Variants in SLCO1A2 observed in about 807,000 individuals in gnomAD.
SLCO1A2 encodes the protein solute carrier organic anion transporter family member 1A2, also known as OATP-1.
A neutral mutation model predicts 69.0 loss-of-function variants in SLCO1A2; 67 were observed. The observed-to-expected ratio is 0.97, with a 90% CI of 0.80 to 1.19. The LOEUF (loss-of-function observed/expected upper bound fraction) is 1.19, where lower values mean the gene tolerates loss of function less well. Ranked by LOEUF, SLCO1A2 falls within the 50% of genes most tolerant of loss-of-function variation. The pLI is 0.00. For missense variants in SLCO1A2, 787 were observed against 793.7 expected (o/e 0.99, Z 0.10); for synonymous variants, 260 against 265.9 (o/e 0.98, Z 0.22).
intron 1 of SLCO1A2, among the ~76,000 whole-genome samples, chr12:21,391,119 C>G (rs1403329178): frequency 4.6e-5 from 7 of 152,128 alleles, no homozygotes; most frequent in African/African-American, 1.7e-4. Flanking sequence ...CATATCACAG[C>G]AAAATCAAAG....
In SLCO1A2 at chr12:21,350,835, CAAAAAAAAA is replaced by C. The variant is rs11454466; in HGVS notation, c.-62-16135_-62-16127del. ...CTGGTGACAGAGCAAGACTCTGTCTCAAAAAAAAAAAAAAAAAAAAAAAAAAAAAGTCAT... is the reference window on the plus strand; with the variant it reads ...CTGGTGACAGAGCAAGACTCTGTCTCAAAAAAAAAAAAAAAAAAAAGTCAT... On this transcript the variant is annotated intron_variant, in intron 2 of 15. Transcript: ENST00000307378. Among the ~76,000 whole-genome samples, 25 of 40,730 alleles carry C rather than the reference CAAAAAAAAA, an allele frequency of 6.1e-4. No homozygotes were observed. The East Asian group carries it at 0.013, about 21-fold the overall frequency. 26.7% of individuals were successfully genotyped at this position (40,730 alleles called of 152,430 possible).
intron 4 of SLCO1A2, among the ~76,000 whole-genome samples, chr12:21,310,697 G>T (rs1950025304): frequency 6.6e-6 from 1 of 152,202 alleles, no homozygotes; most frequent in South Asian, 2.1e-4. Flanking sequence ...CTGCCTCCCG[G>T]GTTCACGCCA....
At chr12:21,397,477 C>A (rs1346183589), upstream of SLCO1A2, among the ~76,000 whole-genome samples, 1 of 151,742 alleles carries the variant, frequency 6.6e-6, no homozygotes, top group Admixed American at 6.6e-5. Context: ...GACAGAAAGT[C>A]AACAAGGATA....
At chr12:21,281,618 A>G (rs1944814306) in intron 12 of SLCO1A2, among the ~76,000 whole-genome samples, 1 of 152,114 alleles carries the variant, frequency 6.6e-6, no homozygotes. Flanking sequence ...AACAAAAGAA[A>G]TAGTTATTTG....
chr12:21,359,083 T>C (rs1296621463), intron 2 of SLCO1A2, among the ~76,000 whole-genome samples: 2 of 152,138 alleles, frequency 1.3e-5, no homozygotes, highest in African/African-American at 4.8e-5. Flanking sequence ...AGTCTAGGGA[T>C]TTTTAGACCC....
At chr12:21,283,112 G>A (rs1188804052) in intron 12 of SLCO1A2, among the ~76,000 whole-genome samples, 1 of 152,086 alleles carries the variant, frequency 6.6e-6, no homozygotes, top group African/African-American at 2.4e-5. Flanking sequence ...GATAGCCAAA[G>A]TTATCCAAAG....
At chr12:21,275,757 A>G (rs918721130) in intron 12 of SLCO1A2, among the ~76,000 whole-genome samples, 3 of 152,122 alleles carry the variant, frequency 2.0e-5, no homozygotes, top group Non-Finnish European at 4.4e-5. Flanking sequence ...CCTGGTCAAC[A>G]TGGTGAAACC....
At chr12:21,298,277 A>G (rs1013259122) in intron 8 of SLCO1A2, among the ~76,000 whole-genome samples, 2 of 152,200 alleles carry the variant, frequency 1.3e-5, no homozygotes, top group East Asian at 3.9e-4. Context: ...TAGAAAAAGC[A>G]CAGAGCCAAA....
chr12:21,361,438 C>T (rs1938870376), intron 2 of SLCO1A2, among the ~76,000 whole-genome samples: 1 of 152,128 alleles, frequency 6.6e-6, no homozygotes, highest in Non-Finnish European at 1.5e-5. Flanking sequence ...TGGGGAGAAA[C>T]CAGAGCAGAA....
intron 1 of SLCO1A2, among the ~76,000 whole-genome samples, chr12:21,394,555 GCACA>G (rs35166807): frequency 0.44 from 61,028 of 138,732 alleles, 12,838 homozygotes; most frequent in Middle Eastern, 0.53. Context: ...AATAACACAC[GCACA>G]CACACACACA....
At chr12:21,300,021 T>A (rs1256481525) in intron 8 of SLCO1A2, among the ~76,000 whole-genome samples, 1 of 147,616 alleles carries the variant, frequency 6.8e-6, no homozygotes, top group Non-Finnish European at 1.5e-5. Flanking sequence ...CATATATATG[T>A]GTATATATGT....
rs530239068 is a variant in SLCO1A2, at chr12:21,332,127, C to A, written c.60+2461G>T. The stretch of plus-strand genomic sequence containing the variant: ...TTAAGGCATGCCTACAGTATAGCCT[C>A]AGAGAAGTCCTAAAAACATGTGTTC... On this transcript the variant is annotated intron_variant, in intron 2 of 14. Transcript: ENST00000683939. Among the ~76,000 whole-genome samples the A allele has an allele frequency of 3.1e-4, 47 of 152,228 alleles. No homozygotes were observed. In the South Asian group the frequency reaches 5.6e-3, roughly 18 times the overall value.
chr12:21,384,823 TGGCGCGATCTCGGCTCA>T (rs1339705827), intron 1 of SLCO1A2, among the ~76,000 whole-genome samples: 2 of 150,226 alleles, frequency 1.3e-5, no homozygotes, highest in African/African-American at 2.5e-5. Context: ...TGGAGAGCGG[TGGCGCGATCTCGGCTCA>T]CTTCAAGCTC....
At chr12:21,397,489 C>A (rs1941514476), upstream of SLCO1A2, among the ~76,000 whole-genome samples, 1 of 151,744 alleles carries the variant, frequency 6.6e-6, no homozygotes, top group Admixed American at 6.6e-5. Context: ...ACAAGGATAC[C>A]CAGGAACTGA....
intron 1 of SLCO1A2, among the ~76,000 whole-genome samples, chr12:21,394,332 G>C (rs577413629): frequency 1.3e-5 from 2 of 151,912 alleles, no homozygotes; most frequent in South Asian, 4.2e-4. Context: ...AGGAGTTTGA[G>C]ACCAGCCTTG....
At chr12:21,332,593 A>G (rs79424089) in intron 2 of SLCO1A2, among the ~76,000 whole-genome samples, 5,965 of 152,188 alleles carry the variant, frequency 0.039, 182 homozygotes, top group Non-Finnish European at 0.057. Flanking sequence ...GCTCTTGACC[A>G]AGAGGAGGTC....
intron 1 of SLCO1A2, among the ~76,000 whole-genome samples, chr12:21,392,501 G>A (rs1410394687): frequency 6.6e-6 from 1 of 152,194 alleles, no homozygotes; most frequent in East Asian, 1.9e-4. Context: ...CAAACTTAAA[G>A]TCATGCTCAC....
intron 1 of SLCO1A2, among the ~76,000 whole-genome samples, chr12:21,404,173 A>C (rs1941784803): frequency 6.6e-6 from 1 of 152,172 alleles, no homozygotes; most frequent in Non-Finnish European, 1.5e-5. Context: ...TAAAGTAATT[A>C]GGTGGTCATA....
intron 2 of SLCO1A2, among the ~76,000 whole-genome samples, chr12:21,351,861 G>A (rs1189496935): frequency 6.6e-6 from 1 of 151,902 alleles, no homozygotes; most frequent in African/African-American, 2.4e-5. Context: ...GCCAAGACCA[G>A]GCTTTGTTAC....
Sources: gnomAD v4.1 joint callset for allele counts (sites outside exome capture counted in the v4.1 genomes callset) on GRCh38, gnomAD v4.1.1 for gene constraint, MANE v1.5 for transcripts, NCBI Gene and HGNC (gene_info 2026-07-23, HGNC 2026-07-21) for gene names.